The following DGKQ variants were observed in gnomAD, a reference collection of about 807,000 sequenced individuals.
DGKQ encodes the protein DAG kinase theta.
DGKQ carries 97 observed loss-of-function variants against 104.2 expected under a neutral mutation model. The ratio of observed to expected loss-of-function variants is 0.93; its 90% CI spans 0.79 to 1.10. The LOEUF (loss-of-function observed/expected upper bound fraction) is 1.10, where lower values mean the gene tolerates loss of function less well. DGKQ is among the 50% of genes least tolerant of loss of function. The probability of loss-of-function intolerance (pLI) is 0.00; values close to 1 mark genes in which losing one functional copy is unlikely to be tolerated. For synonymous variants in DGKQ, 736 were observed against 595.2 expected (o/e 1.24, Z -3.44); for missense variants, 1,465 against 1,352.1 (o/e 1.08, Z -1.31).
Position 973,312 on chromosome 4 carries a change from G to A in DGKQ, c.171C>T (p.Ala57=), listed in dbSNP as rs1222310459. Residue 57 remains alanine (A), a synonymous_variant, in exon 1 of 23, where the codon GCC becomes GCT. Coordinates refer to ENST00000273814, the MANE Select transcript of DGKQ (RefSeq NM_001347.4). ...RAGVRAPGPA[A]APGHSFRKVT... ...CCTTCCGGAAGCTGTGTCCCGGCGCGGCAGCGGGGCCCGGGGCTCTGACGC... is the reference window on the plus strand; with the variant it reads ...CCTTCCGGAAGCTGTGTCCCGGCGCAGCAGCGGGGCCCGGGGCTCTGACGC... 9 of 1,481,284 alleles carry A rather than the reference G, an allele frequency of 6.1e-6. No homozygotes were observed. Among genetic ancestry groups the A allele is most frequent in the African/African-American group, 5.9e-5 (4 of 68,256 alleles). 91.8% of individuals were successfully genotyped at this position (1,481,284 alleles called of 1,614,324 possible).
intron 17 of DGKQ, 42 bp downstream of exon 17, chr4:962,730 T>A (rs1054331183): frequency 6.3e-7 from 1 of 1,597,248 alleles, no homozygotes; most frequent in Non-Finnish European, 8.5e-7. Context: ...CAGGAAGGGG[T>A]AGACCCTGAG....
At chr4:964,130 C>T (rs1201218158) in intron 15 of DGKQ, 1 of 154,804 alleles carries the variant, frequency 6.5e-6, no homozygotes, top group South Asian at 2.0e-4. Context: ...GGCCCCAAAC[C>T]TGGCTCTGCC....
rs768923374 is a variant in DGKQ, at chr4:962,624, A to G, written c.2036-11T>C. On this transcript the variant is annotated splice_polypyrimidine_tract_variant and intron_variant, in intron 17 of 22. Coordinates refer to ENST00000273814, the MANE Select transcript of DGKQ (RefSeq NM_001347.4). Reference sequence around the variant, plus strand: ...GACCAAGGTCATTCCCTGGGACACAAGCAGACACAGAGCATCTGTCCACAC... The same window carrying G: ...GACCAAGGTCATTCCCTGGGACACAGGCAGACACAGAGCATCTGTCCACAC... 8 of 1,605,562 alleles carry G rather than the reference A, an allele frequency of 5.0e-6. No homozygotes were observed. The East Asian group carries it at 1.1e-4, about 22-fold the overall frequency.
intron 1 of DGKQ, among the ~76,000 whole-genome samples, chr4:972,071 C>A (rs1018431310): frequency 2.0e-5 from 3 of 152,088 alleles, no homozygotes; most frequent in African/African-American, 7.2e-5. Flanking sequence ...GCCTGCTCAC[C>A]CCACGCCCCA....
chr4:973,568 C>G lies in DGKQ; in HGVS notation c.-86G>C. 1.0e-6 allele frequency: 1 copy of G among 979,032 alleles called. No homozygotes were observed. The highest frequency in any genetic ancestry group is 1.2e-6 in the Non-Finnish European group (1 of 824,564). The allele number at this position is 979,032 out of a possible 1,614,324, so 60.6% of individuals were successfully genotyped here. ...CCACGGCCCGGTACACTGCTTCCGA[C>G]TGCGCCTGCCCCACTGCGCAGGCGC... On this transcript the variant is annotated 5_prime_UTR_variant, in exon 1 of 23. Transcript: ENST00000273814.
chr4:968,070 G>A (rs1406536622), intron 5 of DGKQ, 43 bp from the exon 6 acceptor site: 42 of 1,356,644 alleles, frequency 3.1e-5, no homozygotes, highest in Non-Finnish European at 3.8e-5. Context: ...GAGCCAGGGT[G>A]CGGGGGCACC....
At chr4:960,800 G>T in intron 22 of DGKQ, 79 bp from the exon 23 acceptor site, 1 of 1,557,960 alleles carries the variant, frequency 6.4e-7, no homozygotes. Flanking sequence ...CCGGTCCTGG[G>T]GCCCCGGGCA....
intron 16 of DGKQ, 70 bp from the exon 17 acceptor site, chr4:962,990 C>T: frequency 1.3e-6 from 2 of 1,542,624 alleles, no homozygotes; most frequent in Non-Finnish European, 8.8e-7. Context: ...GCTGCCTCTT[C>T]CAAGTGCCCG....
At position 965,973 on chromosome 4, in the gene DGKQ, G is replaced by A. The variant is rs778074211; in HGVS notation, c.1534C>T (p.Pro512Ser). 8 of 1,605,616 alleles carry A rather than the reference G, an allele frequency of 5.0e-6. No individual in the cohort carries two copies. The African/African-American group carries it at 5.3e-5, about 11-fold the overall frequency. ...FVGGLPPGLS[P>S]EEYSSLLHEA... ...TGCAGCAGGCTGCTGTACTCCTCGG[G>A]AGACAGGCCGGGAGGCAGGCCGCCA... Residue 512 changes from proline to serine, a missense_variant, in exon 13 of 23, where the codon CCC (proline) becomes TCC (serine). Pro to Ser is a moderately conservative substitution (Grantham distance 74). Transcript: ENST00000273814.
intron 22 of DGKQ, 146 bp from the exon 23 acceptor site, chr4:960,867 C>T (rs1711833624): frequency 1.4e-6 from 2 of 1,475,586 alleles, no homozygotes; most frequent in Non-Finnish European, 1.8e-6. Flanking sequence ...TGGCTGCTCC[C>T]TGTGCCACCT....
rs1018469628 is a variant in DGKQ at position 960,530 on chromosome 4, T to A, written c.*90A>T. 4 of 1,222,440 alleles carry A rather than the reference T, an allele frequency of 3.3e-6. No homozygotes were observed. The Admixed American group carries it at 7.0e-5, about 21-fold the overall frequency. The allele number at this position is 1,222,440 out of a possible 1,614,324, so 75.7% of individuals were successfully genotyped here. ...CAGGTCCGACCACAGGGCCGGCCAC[T>A]GTGTGGACGTGGAGCTGCCTCCAGA... On this transcript the variant is annotated 3_prime_UTR_variant, in exon 23 of 23. Transcript: ENST00000273814.
chr4:972,839 C>G (rs1051626369), intron 1 of DGKQ, among the ~76,000 whole-genome samples: 3 of 152,176 alleles, frequency 2.0e-5, no homozygotes, highest in East Asian at 3.9e-4. Context: ...TGGGCCACAG[C>G]ATGAGAAGGG....
intron 11 of DGKQ, 38 bp downstream of exon 11, chr4:966,710 G>A (rs1310474390): frequency 1.3e-6 from 2 of 1,587,232 alleles, no homozygotes. Context: ...CCCAAAAGGT[G>A]CAGGGACCGC....
At chr4:960,848 G>C (rs919879511) in intron 22 of DGKQ, 127 bp from the exon 23 acceptor site, 7 of 1,484,382 alleles carry the variant, frequency 4.7e-6, no homozygotes, top group African/African-American at 2.8e-5. Context: ...GGAAGGGGAG[G>C]GACCTGTCTG....
chr4:966,734 G>C lies in DGKQ; in HGVS notation c.1366+14C>G. The C allele has an allele frequency of 6.2e-7, 1 of 1,604,254 alleles. No individual in the cohort carries two copies. The highest frequency in any genetic ancestry group is 1.3e-5 in the African/African-American group (1 of 74,814). ...TGCAGGGACCGCCACGCCCAGCACG[G>C]GCTGTCTACTCACCGTGCCTGCAGC... On this transcript the variant is annotated intron_variant, in intron 11 of 22. Coordinates refer to ENST00000273814, the MANE Select transcript of DGKQ (RefSeq NM_001347.4).
chr4:967,898 C>G lies in DGKQ; in HGVS notation c.793G>C (p.Val265Leu). ...ACCTCACCCGGCTCCGCGGCCTCCACGATGCGGAAGCTCTGCGTCTTGCTG... is the reference window on the plus strand; with the variant it reads ...ACCTCACCCGGCTCCGCGGCCTCCAGGATGCGGAAGCTCTGCGTCTTGCTG... ...GFSKTQSFRI[V>L]EAAEPGEGGD... Residue 265 changes from valine to leucine, a missense_variant, in exon 6 of 23, where the codon GTG becomes CTG. By Grantham distance (32) the Val-to-Leu change is conservative (BLOSUM62 1). Transcript: ENST00000273814. 1 of 1,451,920 alleles carries G rather than the reference C, an allele frequency of 6.9e-7. No homozygotes were observed. Among genetic ancestry groups the G allele is most frequent in the South Asian group, 1.4e-5 (1 of 69,862 alleles). The allele number at this position is 1,451,920 out of a possible 1,614,324, so 89.9% of individuals were successfully genotyped here.
chr4:973,485 C>A lies in DGKQ; in HGVS notation c.-3G>T. 6.1e-6 allele frequency: 6 copies of A among 987,774 alleles called. No individual in the cohort carries two copies. The South Asian group carries it at 2.8e-4, about 46-fold the overall frequency. 61.2% of individuals were successfully genotyped at this position (987,774 alleles called of 1,614,324 possible). On this transcript the variant is annotated 5_prime_UTR_variant, in exon 1 of 23. Coordinates refer to ENST00000273814, the MANE Select transcript of DGKQ (RefSeq NM_001347.4). ...CCGGGCTCGGCCGCCGCCGCCATTC[C>A]CGGCCCGAGCGGCCCGAGCCCCTTT...
intron 18 of DGKQ, 50 bp downstream of exon 18, chr4:962,385 G>C: frequency 1.3e-6 from 2 of 1,497,532 alleles, no homozygotes. Flanking sequence ...GCGTGTAGCG[G>C]GGTCATATGC....
At position 959,489 on chromosome 4, in the gene DGKQ, T is replaced by G. The variant is rs1477040701; in HGVS notation, c.*1131A>C. ...AATCCTTGGGCACGTGGAGGCAGCT[T>G]TGTCTTTGGCTGGGTGCACCCCAGC... is the stretch of plus-strand genomic sequence containing the variant. On this transcript the variant is annotated 3_prime_UTR_variant, in exon 23 of 23. Coordinates refer to ENST00000273814, the MANE Select transcript of DGKQ (RefSeq NM_001347.4). The G allele has an allele frequency of 6.6e-6, 1 of 152,164 alleles. No homozygotes were observed. Among genetic ancestry groups the G allele is most frequent in the Non-Finnish European group, 1.5e-5 (1 of 68,054 alleles). 9.4% of individuals were successfully genotyped at this position (152,164 alleles called of 1,614,324 possible).
Sources: gnomAD v4.1 joint callset for allele counts (sites outside exome capture counted in the v4.1 genomes callset) on GRCh38, gnomAD v4.1.1 for gene constraint, MANE v1.5 for transcripts, NCBI Gene and HGNC (gene_info 2026-07-23, HGNC 2026-07-21) for gene names.